Variants in ZBTB38 observed in about 807,000 individuals in gnomAD.
ZBTB38 encodes the protein zinc finger and BTB domain containing 38, also known as zinc finger and BTB domain-containing protein 38.
A neutral mutation model predicts 76.8 loss-of-function variants in ZBTB38; 20 were observed. That is an observed-to-expected ratio of 0.26 (90% CI 0.18 to 0.38). The LOEUF is 0.38. Among genes scored for constraint, ZBTB38 ranks in the 10% least tolerant of loss-of-function variants. The probability of loss-of-function intolerance (pLI) is 1.00; values close to 1 mark genes in which losing one functional copy is unlikely to be tolerated. For synonymous variants in ZBTB38, 504 were observed against 544.2 expected, an observed-to-expected ratio of 0.93 and a Z score of 1.03; for missense variants, 1,082 against 1,482.3, an observed-to-expected ratio of 0.73 and a Z score of 4.43.
chr3:141,340,646 C>G (rs1943145151), intron 1 of ZBTB38, among the ~76,000 whole-genome samples: 1 of 152,190 alleles, frequency 6.6e-6, no homozygotes, highest in African/African-American at 2.4e-5. Flanking sequence ...GCCTGTAATC[C>G]CAGCACTTTG....
intron 4 of ZBTB38, among the ~76,000 whole-genome samples, chr3:141,397,200 C>T (rs1212716240): frequency 6.6e-6 from 1 of 152,222 alleles, no homozygotes; most frequent in Admixed American, 6.5e-5. Context: ...TCAGCACTTA[C>T]TTCACTTTGC....
At chr3:141,378,046 C>T (rs541351453) in intron 2 of ZBTB38, among the ~76,000 whole-genome samples, 21 of 152,160 alleles carry the variant, frequency 1.4e-4, no homozygotes, top group African/African-American at 3.1e-4. Flanking sequence ...GATATGTGGG[C>T]GTGCACCTGT....
intron 1 of ZBTB38, among the ~76,000 whole-genome samples, chr3:141,339,581 G>T (rs1222089223): frequency 3.9e-5 from 6 of 152,194 alleles, no homozygotes; most frequent in African/African-American, 1.4e-4. Flanking sequence ...AGGTAGAGCT[G>T]ATAAAGCTTT....
At chr3:141,386,043 G>T (rs1947005888) in intron 3 of ZBTB38, 1 of 152,136 alleles carries the variant, frequency 6.6e-6, no homozygotes, top group Admixed American at 6.5e-5. Context: ...AGCACAACAC[G>T]ATTTCTTCTC....
At chr3:141,397,983 C>T (rs1404059050) in intron 4 of ZBTB38, among the ~76,000 whole-genome samples, 2 of 152,106 alleles carry the variant, frequency 1.3e-5, no homozygotes, top group Non-Finnish European at 2.9e-5. Context: ...CTCAGGGTTG[C>T]CAGAAACTTT....
chr3:141,360,771 C>A (rs1943797985), intron 1 of ZBTB38, among the ~76,000 whole-genome samples: 1 of 152,086 alleles, frequency 6.6e-6, no homozygotes, highest in African/African-American at 2.4e-5. Flanking sequence ...GGATGTTTGG[C>A]AGCATCCCTG....
chr3:141,330,932 C>T (rs1043785483), intron 1 of ZBTB38, among the ~76,000 whole-genome samples: 1 of 152,174 alleles, frequency 6.6e-6, no homozygotes, highest in African/African-American at 2.4e-5. Flanking sequence ...TTCCTGGCCT[C>T]CATAACTAAA....
chr3:141,404,255 C>T (rs1032601016), intron 5 of ZBTB38, among the ~76,000 whole-genome samples: 1 of 152,158 alleles, frequency 6.6e-6, no homozygotes, highest in Non-Finnish European at 1.5e-5. Flanking sequence ...TTTCTTGTTC[C>T]AGTTCTGTCA....
At chr3:141,374,743 A>G (rs1229365952) in intron 2 of ZBTB38, among the ~76,000 whole-genome samples, 1 of 152,162 alleles carries the variant, frequency 6.6e-6, no homozygotes, top group Admixed American at 6.5e-5. Context: ...TGAAAACATG[A>G]TTTTTAATGG....
chr3:141,395,963 A>G (rs1950267461), intron 4 of ZBTB38, among the ~76,000 whole-genome samples: 1 of 152,258 alleles, frequency 6.6e-6, no homozygotes, highest in Non-Finnish European at 1.5e-5. Context: ...GCCTTCAGCA[A>G]GTCATAATCT....
At chr3:141,371,041 C>CTTTTTTTTTTT (rs1944488920) in intron 2 of ZBTB38, among the ~76,000 whole-genome samples, 6 of 75,474 alleles carry the variant, frequency 7.9e-5, no homozygotes, top group African/African-American at 4.0e-4. Context: ...TCTTTTCTTT[C>CTTTTTTTTTTT]TTTCTTTTTT....
intron 1 of ZBTB38, among the ~76,000 whole-genome samples, chr3:141,355,029 C>T (rs1025099150): frequency 6.6e-6 from 1 of 152,026 alleles, no homozygotes; most frequent in African/African-American, 2.4e-5. Context: ...TATATGCACA[C>T]ATTGTTATAA....
intron 1 of ZBTB38, among the ~76,000 whole-genome samples, chr3:141,361,922 A>AT (rs1943836589): frequency 6.6e-6 from 1 of 152,332 alleles, no homozygotes; most frequent in Non-Finnish European, 1.5e-5. Flanking sequence ...GTTTTTAAAC[A>AT]TTTTTTTAAA....
chr3:141,349,570 C>A (rs528542598), intron 1 of ZBTB38, among the ~76,000 whole-genome samples: 2 of 151,918 alleles, frequency 1.3e-5, no homozygotes, highest in Admixed American at 6.6e-5. Flanking sequence ...GAATACAACA[C>A]GATACAAAAA....
At chr3:141,403,386 A>G (rs1276254856) in intron 4 of ZBTB38, among the ~76,000 whole-genome samples, 2 of 152,216 alleles carry the variant, frequency 1.3e-5, no homozygotes, top group South Asian at 2.1e-4. Flanking sequence ...GCGTTTTTCA[A>G]GAGTGGGGGA....
intron 1 of ZBTB38, among the ~76,000 whole-genome samples, chr3:141,333,251 G>A (rs1393236246): frequency 6.6e-6 from 1 of 152,286 alleles, no homozygotes; most frequent in Non-Finnish European, 1.5e-5. Context: ...ATAGGGGACT[G>A]GGGTTGGTGT....
intron 4 of ZBTB38, among the ~76,000 whole-genome samples, chr3:141,395,144 G>A (rs937637477): frequency 2.6e-5 from 4 of 152,296 alleles, no homozygotes; most frequent in East Asian, 1.9e-4. Context: ...CAGGCAGCAC[G>A]CTATCTATAA....
At chr3:141,397,638 G>A (rs1950630526) in intron 4 of ZBTB38, among the ~76,000 whole-genome samples, 1 of 152,154 alleles carries the variant, frequency 6.6e-6, no homozygotes. Context: ...AACACTTAGA[G>A]GCCATTGTAA....
Position 141,370,963 on chromosome 3 carries a change from C to T in ZBTB38, c.-235+1017C>T, listed in dbSNP as rs564216027. Among the ~76,000 whole-genome samples the T allele has an allele frequency of 8.7e-5, 13 of 149,916 alleles. No individual in the cohort carries two copies. The East Asian group carries it at 2.0e-3, about 23-fold the overall frequency. ...ACAGGATCTGCTCCAGGTCTTGGGA[C>T]ATTTGATCAGGGTGAAAATTCCCGA... On this transcript the variant is annotated intron_variant, in intron 2 of 5. Coordinates refer to ENST00000321464, the MANE Select transcript of ZBTB38 (RefSeq NM_001376113.1).
Sources: gnomAD v4.1 joint callset for allele counts (sites outside exome capture counted in the v4.1 genomes callset) on GRCh38, gnomAD v4.1.1 for gene constraint, MANE v1.5 for transcripts, NCBI Gene and HGNC (gene_info 2026-07-23, HGNC 2026-07-21) for gene names.